The following CNGB1 variants were observed in gnomAD, a reference collection of about 807,000 sequenced individuals.
CNGB1 encodes cyclic nucleotide-gated channel beta-1.
In CNGB1, 126 loss-of-function variants were observed where a neutral mutation model predicts 151.7. That is an observed-to-expected ratio of 0.83 (90% CI 0.72 to 0.96). The LOEUF (loss-of-function observed/expected upper bound fraction) is 0.96. Among genes scored for constraint, CNGB1 ranks in the 40% least tolerant of loss-of-function variants. The pLI is 0.00. For synonymous variants in CNGB1, 623 were observed against 635.1 expected, an observed-to-expected ratio of 0.98 and a Z score of 0.29; for missense variants, 1,698 against 1,627.0, an observed-to-expected ratio of 1.04 and a Z score of -0.75.
At chr16:57,924,952 G>C (rs908132032) in intron 17 of CNGB1, among the ~76,000 whole-genome samples, 1 of 152,232 alleles carries the variant, frequency 6.6e-6, no homozygotes, top group African/African-American at 2.4e-5. Context: ...TGCCTGTACA[G>C]TCTGTGGAAC....
At chr16:57,921,782 G>A (rs191830776) in intron 18 of CNGB1, among the ~76,000 whole-genome samples, 71 of 152,300 alleles carry the variant, frequency 4.7e-4, no homozygotes, top group African/African-American at 1.7e-3. Context: ...GGATAAAGTG[G>A]CAGAGCACTG....
intron 16 of CNGB1, 117 bp downstream of exon 16, chr16:57,939,313 T>A: frequency 6.9e-7 from 1 of 1,446,914 alleles, no homozygotes; most frequent in Non-Finnish European, 9.6e-7. Flanking sequence ...GAGGGGGCAA[T>A]GGGGGGAAGG....
At chr16:57,951,509 C>CATACTA in intron 12 of CNGB1, among the ~76,000 whole-genome samples, 1 of 152,188 alleles carries the variant, frequency 6.6e-6, no homozygotes, top group East Asian at 1.9e-4. Flanking sequence ...GCATGCACCA[C>CATACTA]CATACCTGGG....
intron 14 of CNGB1, among the ~76,000 whole-genome samples, chr16:57,943,335 A>G (rs1315232665): frequency 6.6e-6 from 1 of 152,070 alleles, no homozygotes; most frequent in Admixed American, 6.5e-5. Context: ...TCAAAACCGC[A>G]ATGAAATATT....
chr16:57,923,545 C>T (rs3826091), intron 17 of CNGB1, among the ~76,000 whole-genome samples, 165 bp from the exon 18 acceptor site: 1,653 of 152,154 alleles, frequency 0.011, 39 homozygotes, highest in East Asian at 0.08. Flanking sequence ...GGAGGGAAAA[C>T]GGCAGAAGAG....
At chr16:57,965,560 T>TACACACAGAA (rs763028747) in intron 2 of CNGB1, among the ~76,000 whole-genome samples, 7 of 152,114 alleles carry the variant, frequency 4.6e-5, no homozygotes, top group Non-Finnish European at 5.9e-5. Flanking sequence ...GACATGCATA[T>TACACACAGAA]ACACACAGAT....
intron 32 of CNGB1, among the ~76,000 whole-genome samples, chr16:57,887,141 C>T (rs1326307622): frequency 6.6e-6 from 1 of 152,202 alleles, no homozygotes; most frequent in Non-Finnish European, 1.5e-5. Flanking sequence ...CTGCCTTGGC[C>T]TTTCAAAGTG....
intron 11 of CNGB1, among the ~76,000 whole-genome samples, chr16:57,957,799 C>A (rs1276042620): frequency 6.6e-6 from 1 of 152,174 alleles, no homozygotes; most frequent in Non-Finnish European, 1.5e-5. Flanking sequence ...AACAACTGAC[C>A]ATTGGTCAGC....
chr16:57,919,868 C>T (rs577901645), intron 19 of CNGB1, among the ~76,000 whole-genome samples: 10 of 152,198 alleles, frequency 6.6e-5, no homozygotes, highest in African/African-American at 2.4e-4. Context: ...CTGTTGTGGG[C>T]ACCATGATTT....
intron 32 of CNGB1, among the ~76,000 whole-genome samples, chr16:57,886,118 T>C (rs1959922684): frequency 6.6e-6 from 1 of 152,158 alleles, no homozygotes; most frequent in African/African-American, 2.4e-5. Flanking sequence ...CTCGGAAAGC[T>C]TGAGGGGCTT....
chr16:57,962,574 T>TGGGCCTCAA lies in CNGB1; in HGVS notation c.440_448dup (p.Leu147_Ala149dup), dbSNP rs756431055. The TGGGCCTCAA allele has an allele frequency of 5.8e-5, 94 of 1,613,852 alleles. No individual in the cohort carries two copies. In the Middle Eastern group the frequency reaches 2.0e-3, roughly 34 times the overall value. On this transcript the variant is annotated inframe_insertion, in exon 7 of 33. Transcript: ENST00000251102. The stretch of plus-strand genomic sequence containing the variant: ...AGGGATAGGGACTCACCTAGTGTCT[T>TGGGCCTCAA]GGGCCTCAAGGGCCTCATTGGGTTC...
chr16:57,915,250 T>C lies in CNGB1; in HGVS notation c.2303A>G (p.Lys768Arg). 1 of 1,613,322 alleles carries C rather than the reference T, an allele frequency of 6.2e-7. No homozygotes were observed. Among genetic ancestry groups the C allele is most frequent in the Non-Finnish European group, 8.5e-7 (1 of 1,179,462 alleles). The part of the protein sequence containing the change: ...NPLLRLPRCL[K>R]YMAFFEFNSR... ...GGGTGGTGGGCCCAGCAGTCCTACC[T>C]TTAAACAGCGGGGCAGGCGGAGGAG... The change falls in exon 23 of 33, where the codon AAG becomes AGG. Residue 768 changes from lysine to arginine, a missense_variant and splice_region_variant. By Grantham distance (26) the Lys-to-Arg change is conservative. Coordinates refer to ENST00000251102, the MANE Select transcript of CNGB1 (RefSeq NM_001297.5).
intron 12 of CNGB1, among the ~76,000 whole-genome samples, chr16:57,953,274 A>G (rs1962003575): frequency 6.6e-6 from 1 of 152,222 alleles, no homozygotes; most frequent in East Asian, 1.9e-4. Context: ...AGGTCGGCAG[A>G]TCATGAGGTC....
intron 17 of CNGB1, among the ~76,000 whole-genome samples, chr16:57,926,305 A>G (rs1961187373): frequency 6.6e-6 from 1 of 152,172 alleles, no homozygotes; most frequent in African/African-American, 2.4e-5. Flanking sequence ...GCTGGGCAGG[A>G]GGACACTGGG....
In CNGB1 at chr16:57,920,505, G is replaced by A. The variant is rs202034315; in HGVS notation, c.1683C>T (p.Ser561=). 1.4e-5 allele frequency: 22 copies of A among 1,613,876 alleles called. No individual in the cohort carries two copies. Among genetic ancestry groups the A allele is most frequent in the Non-Finnish European group, 1.4e-5 (17 of 1,180,052 alleles). ...CCTGGAGCCGGTCGTTGATGATGGCGCTATTTGTGCTGGCCGTGGAGGCCG... is the reference window on the plus strand; with the variant it reads ...CCTGGAGCCGGTCGTTGATGATGGCACTATTTGTGCTGGCCGTGGAGGCCG... ...DRAASTASTN[S]AIINDRLQEL... is the part of the protein sequence containing the mutation. Residue 561 remains serine, a synonymous_variant, in exon 19 of 33, where the codon AGC becomes AGT. Coordinates refer to ENST00000251102, the MANE Select transcript of CNGB1 (RefSeq NM_001297.5).
chr16:57,959,922 T>C lies in CNGB1; in HGVS notation c.727A>G (p.Thr243Ala), dbSNP rs1597012808. ...PEPQPGSQAQTSSLPPTRDPA... is the reference protein window; with the variant it reads ...PEPQPGSQAQASSLPPTRDPA... ...TCCCTGGTTGGTGGCAGGGAGGAGG[T>C]CTGGGCCTGGGAGCCGGGCTGGGGC... Residue 243 changes from threonine to alanine, a missense_variant, in exon 10 of 33, where the codon ACC (threonine) becomes GCC (alanine). Thr to Ala is a moderately conservative substitution (Grantham distance 58). Coordinates refer to ENST00000251102, the MANE Select transcript of CNGB1 (RefSeq NM_001297.5). 1 of 1,571,384 alleles carries C rather than the reference T, an allele frequency of 6.4e-7. No individual in the cohort carries two copies. The highest frequency in any genetic ancestry group is 8.6e-7 in the Non-Finnish European group (1 of 1,156,744).
intron 17 of CNGB1, among the ~76,000 whole-genome samples, chr16:57,925,172 T>A (rs1421829548): frequency 6.6e-6 from 1 of 151,958 alleles, no homozygotes; most frequent in Non-Finnish European, 1.5e-5. Flanking sequence ...CAGCTAATTT[T>A]TTTTTTTTTT....
At position 57,900,662 on chromosome 16, in the gene CNGB1, T is replaced by A. The variant is rs948543215; in HGVS notation, c.2976+690A>T. Among the ~76,000 whole-genome samples the A allele has an allele frequency of 1.1e-4, 17 of 151,692 alleles. No homozygotes were observed. In the East Asian group the frequency reaches 3.1e-3, roughly 28 times the overall value. ...TCTAGGGTGGGGCAGTGGGGAGTGG[T>A]GGGGGCTGTGGCATCAGGAAGGGAC... On this transcript the variant is annotated intron_variant, in intron 29 of 32. Transcript: ENST00000251102.
At chr16:57,915,897 C>CA (rs36093437) in intron 22 of CNGB1, among the ~76,000 whole-genome samples, 31,436 of 102,982 alleles carry the variant, frequency 0.31, 3,836 homozygotes, top group Middle Eastern at 0.4. Context: ...GACCCTGTCT[C>CA]AAAAAAAAAA....
Sources: allele counts gnomAD v4.1 joint callset (sites outside exome capture counted in the v4.1 genomes callset), GRCh38; gene constraint gnomAD v4.1.1; transcripts MANE v1.5; gene names NCBI Gene and HGNC (gene_info 2026-07-23, HGNC 2026-07-21).